ROBO1: variants seen among roughly 807,000 people sequenced by gnomAD.
The protein encoded by ROBO1 is roundabout guidance receptor 1.
Under a neutral mutation model 195.9 loss-of-function variants are expected in ROBO1, and 149 were observed. That is an observed-to-expected ratio of 0.76 (90% CI 0.67 to 0.87). ROBO1 has a LOEUF of 0.87. ROBO1 is among the 40% of genes least tolerant of loss of function. The pLI, the probability that ROBO1 is intolerant of heterozygous loss-of-function variation, is 0.00. For synonymous variants in ROBO1, 816 were observed against 733.2 expected, an observed-to-expected ratio of 1.11 and a Z score of -1.82; for missense variants, 1,933 against 2,068.3, an observed-to-expected ratio of 0.93 and a Z score of 1.27.
intron 4 of ROBO1, among the ~76,000 whole-genome samples, chr3:78,862,272 A>C (rs537285017): frequency 6.6e-6 from 1 of 152,182 alleles, no homozygotes; most frequent in Non-Finnish European, 1.5e-5. Context: ...GGCAATCTTT[A>C]GGGAGAAAAG....
intron 1 of ROBO1, among the ~76,000 whole-genome samples, chr3:79,760,295 A>G (rs1033443338): frequency 7.0e-6 from 1 of 142,650 alleles, no homozygotes; most frequent in African/African-American, 2.5e-5. Context: ...ATTTTCAGAA[A>G]AAATATAAGA....
At chr3:79,245,185 A>G (rs1357552169) in intron 2 of ROBO1, among the ~76,000 whole-genome samples, 1 of 152,030 alleles carries the variant, frequency 6.6e-6, no homozygotes, top group Non-Finnish European at 1.5e-5. Context: ...TCAGTAAGAA[A>G]CGTTGGTTTT....
At chr3:79,021,953 C>T (rs1270892721) in intron 3 of ROBO1, among the ~76,000 whole-genome samples, 2 of 152,196 alleles carry the variant, frequency 1.3e-5, no homozygotes, top group East Asian at 1.9e-4. Flanking sequence ...AGCCCTGCCG[C>T]GCCCGGCCTA....
At chr3:79,528,950 A>G (rs1941542344) in intron 2 of ROBO1, among the ~76,000 whole-genome samples, 1 of 152,262 alleles carries the variant, frequency 6.6e-6, no homozygotes. Flanking sequence ...CTATAGACAC[A>G]TAATGCCTCT....
chr3:78,636,447 G>C (rs754345517), intron 22 of ROBO1, among the ~76,000 whole-genome samples: 7 of 151,954 alleles, frequency 4.6e-5, no homozygotes, highest in Non-Finnish European at 1.0e-4. Context: ...ATATCTTTAT[G>C]TGTCAACTTT....
intron 2 of ROBO1, among the ~76,000 whole-genome samples, chr3:79,156,131 C>A (rs2080854022): frequency 6.6e-6 from 1 of 151,610 alleles, no homozygotes; most frequent in Admixed American, 6.6e-5. Flanking sequence ...CAACTTCTGT[C>A]CCTGATGGAA....
At chr3:78,658,962 T>G (rs1427162789) in intron 17 of ROBO1, among the ~76,000 whole-genome samples, 1 of 152,218 alleles carries the variant, frequency 6.6e-6, no homozygotes, top group African/African-American at 2.4e-5. Context: ...TCCACCCTTT[T>G]GCATTTCTTC....
At chr3:78,946,765 A>G (rs2040467878) in intron 3 of ROBO1, among the ~76,000 whole-genome samples, 1 of 152,234 alleles carries the variant, frequency 6.6e-6, no homozygotes, top group South Asian at 2.1e-4. Context: ...AGTGTGCTGT[A>G]TTCAGGAGAC....
intron 2 of ROBO1, among the ~76,000 whole-genome samples, chr3:79,276,292 A>G (rs2031030210): frequency 6.6e-6 from 1 of 151,970 alleles, no homozygotes; most frequent in Non-Finnish European, 1.5e-5. Flanking sequence ...CCAAAGGAAT[A>G]GGGAGAGAAC....
intron 1 of ROBO1, among the ~76,000 whole-genome samples, chr3:79,751,101 G>A (rs968522442): frequency 2.0e-5 from 3 of 152,114 alleles, no homozygotes; most frequent in African/African-American, 7.2e-5. Flanking sequence ...CTGACATCGT[G>A]TTAGTTTTAC....
At chr3:79,550,195 G>GAAAGGAAAAGAAAAGAAAAGAAAAGAAAA in intron 2 of ROBO1, among the ~76,000 whole-genome samples, 36 of 100,836 alleles carry the variant, frequency 3.6e-4, no homozygotes, top group African/African-American at 1.1e-3. Context: ...AAGAAAGAAA[G>GAAAGGAAAAGAAAAGAAAAGAAAAGAAAA]GAAAAGAAAA....
At chr3:78,648,359 C>T (rs886998485) in intron 19 of ROBO1, among the ~76,000 whole-genome samples, 1 of 151,988 alleles carries the variant, frequency 6.6e-6, no homozygotes, top group African/African-American at 2.4e-5. Context: ...ATTTTAATTT[C>T]TTTGAGTTTA....
At chr3:79,473,006 G>A (rs1359539362) in intron 2 of ROBO1, among the ~76,000 whole-genome samples, 3 of 152,084 alleles carry the variant, frequency 2.0e-5, no homozygotes, top group Non-Finnish European at 2.9e-5. Flanking sequence ...GGCATAAGTG[G>A]AAACACTTAA....
chr3:79,032,734 A>T (rs1192829515), intron 3 of ROBO1, among the ~76,000 whole-genome samples: 1 of 152,068 alleles, frequency 6.6e-6, no homozygotes, highest in African/African-American at 2.4e-5. Context: ...AAATTATCAA[A>T]AACATAAATC....
At chr3:78,738,800 T>C (rs1246586348) in intron 5 of ROBO1, among the ~76,000 whole-genome samples, 1 of 152,216 alleles carries the variant, frequency 6.6e-6, no homozygotes, top group Non-Finnish European at 1.5e-5. Context: ...AAATTTTTTT[T>C]CTACCTTTTG....
chr3:79,615,841 C>A (rs934348644), intron 1 of ROBO1, among the ~76,000 whole-genome samples: 2 of 152,112 alleles, frequency 1.3e-5, no homozygotes, highest in African/African-American at 4.8e-5. Flanking sequence ...TTACATTTTA[C>A]CGTATAAAAA....
At chr3:78,733,799 T>C (rs1484029432) in intron 5 of ROBO1, among the ~76,000 whole-genome samples, 2 of 152,142 alleles carry the variant, frequency 1.3e-5, no homozygotes, top group Non-Finnish European at 2.9e-5. Context: ...GGGAGAAATT[T>C]AATGGCCTGA....
intron 4 of ROBO1, among the ~76,000 whole-genome samples, chr3:78,811,917 A>G (rs1350795481): frequency 6.6e-6 from 1 of 152,102 alleles, no homozygotes; most frequent in Non-Finnish European, 1.5e-5. Context: ...TTATAGTCCT[A>G]ACTTCTGCTA....
At chr3:78,645,229 C>G (rs2107588741) in intron 21 of ROBO1, among the ~76,000 whole-genome samples, 1 of 151,942 alleles carries the variant, frequency 6.6e-6, no homozygotes, top group African/African-American at 2.4e-5. Flanking sequence ...TTTTTTAAAC[C>G]ACTCTTTGTT....
Sources: allele counts gnomAD v4.1 joint callset (sites outside exome capture counted in the v4.1 genomes callset), GRCh38; gene constraint gnomAD v4.1.1; transcripts MANE v1.5; gene names NCBI Gene and HGNC (gene_info 2026-07-23, HGNC 2026-07-21).